TBC1D22A: variants seen among roughly 807,000 people sequenced by gnomAD.
TBC1D22A encodes TBC1 domain family member 22A.
Under a neutral mutation model 60.2 loss-of-function variants are expected in TBC1D22A, and 38 were observed. The ratio of observed to expected loss-of-function variants is 0.63; its 90% CI spans 0.49 to 0.83. The LOEUF is 0.83. TBC1D22A is among the 40% of genes least tolerant of loss of function. TBC1D22A has a pLI of 0.00. For missense variants in TBC1D22A, 628 were observed against 701.0 expected (o/e 0.90, Z 1.18); for synonymous variants, 302 against 281.7 (o/e 1.07, Z -0.72).
At chr22:46,823,755 T>G (rs1255749612) in intron 4 of TBC1D22A, among the ~76,000 whole-genome samples, 1 of 152,236 alleles carries the variant, frequency 6.6e-6, no homozygotes, top group Non-Finnish European at 1.5e-5. Flanking sequence ...GAACTCTTGA[T>G]GTAATTTAAT....
At chr22:46,966,167 C>T (rs576264483) in intron 8 of TBC1D22A, among the ~76,000 whole-genome samples, 3 of 152,330 alleles carry the variant, frequency 2.0e-5, no homozygotes, top group South Asian at 2.1e-4. Flanking sequence ...CCATCACCTG[C>T]GCTCTATCCG....
At position 47,037,067 on chromosome 22, in the gene TBC1D22A, G is replaced by A; in HGVS notation, c.1202-4G>A. 6.2e-7 allele frequency: 1 copy of A among 1,613,398 alleles called. No individual in the cohort carries two copies. The highest frequency in any genetic ancestry group is 8.5e-7 in the Non-Finnish European group (1 of 1,179,568). Reference sequence around the variant, plus strand: ...GCCTTGGGGCCTGTGTTTGTTTTGTGCAGAGCAAGTGCACCGGCACCTGGA... The same window carrying A: ...GCCTTGGGGCCTGTGTTTGTTTTGTACAGAGCAAGTGCACCGGCACCTGGA... On this transcript the variant is annotated splice_region_variant and splice_polypyrimidine_tract_variant and intron_variant, in intron 10 of 12. Transcript: ENST00000337137.
chr22:46,776,413 T>C (rs1350105538), intron 1 of TBC1D22A, among the ~76,000 whole-genome samples: 2 of 151,534 alleles, frequency 1.3e-5, no homozygotes, highest in African/African-American at 4.9e-5. Context: ...TGGGGTGGTA[T>C]GGATGGAAGG....
chr22:46,946,137 C>T (rs2072522481), intron 8 of TBC1D22A, among the ~76,000 whole-genome samples: 1 of 152,202 alleles, frequency 6.6e-6, no homozygotes, highest in Non-Finnish European at 1.5e-5. Context: ...CTACCAGCTT[C>T]CTCCGTGTAG....
chr22:46,920,813 C>T (rs1370256072), intron 8 of TBC1D22A, among the ~76,000 whole-genome samples: 1 of 150,320 alleles, frequency 6.7e-6, no homozygotes, highest in Non-Finnish European at 1.5e-5. Flanking sequence ...CTCTGTTGCT[C>T]AGGCTGGAGT....
At chr22:47,048,287 C>T (rs554370813) in intron 11 of TBC1D22A, among the ~76,000 whole-genome samples, 5 of 152,288 alleles carry the variant, frequency 3.3e-5, no homozygotes, top group African/African-American at 1.2e-4. Flanking sequence ...CTTACCGGGT[C>T]AGCCCAAGCC....
chr22:46,989,846 G>A (rs987375182), intron 9 of TBC1D22A, among the ~76,000 whole-genome samples: 2 of 151,518 alleles, frequency 1.3e-5, no homozygotes, highest in African/African-American at 4.9e-5. Flanking sequence ...TGTGTTGCCC[G>A]GGCTGGAGTG....
chr22:47,150,676 G>A (rs1458268895), intron 12 of TBC1D22A, among the ~76,000 whole-genome samples: 2 of 152,200 alleles, frequency 1.3e-5, no homozygotes, highest in Non-Finnish European at 2.9e-5. Context: ...GCCTGGCATG[G>A]GCTGGTGGGC....
intron 11 of TBC1D22A, among the ~76,000 whole-genome samples, chr22:47,083,213 G>A (rs1372803053): frequency 7.7e-6 from 1 of 129,296 alleles, no homozygotes; most frequent in African/African-American, 3.0e-5. Context: ...TATCTTGATA[G>A]GGATGTGGAT....
At chr22:46,884,797 G>A (rs2068029204) in intron 5 of TBC1D22A, among the ~76,000 whole-genome samples, 1 of 152,214 alleles carries the variant, frequency 6.6e-6, no homozygotes, top group Admixed American at 6.5e-5. Flanking sequence ...AGCAGAGGAA[G>A]AGTAAGTTCA....
rs185630372 is a variant in TBC1D22A at position 46,944,459 on chromosome 22, C to T, written c.1016-29831C>T. ...CGTCTCCCAGGCTGGAGTGCAGTGG[C>T]GCAATCTTGGCTCACTGCAATCTCC... On this transcript the variant is annotated intron_variant, in intron 8 of 12. Coordinates refer to ENST00000337137, the MANE Select transcript of TBC1D22A (RefSeq NM_014346.5). 4.7e-3 allele frequency among the ~76,000 whole-genome samples: 718 copies of T among 152,234 alleles called. 4 individuals are homozygous for T. Among genetic ancestry groups the T allele is most frequent in the Non-Finnish European group, 8.2e-3 (560 of 68,012 alleles).
At chr22:46,868,990 C>G (rs1013933377) in intron 4 of TBC1D22A, among the ~76,000 whole-genome samples, 1 of 152,190 alleles carries the variant, frequency 6.6e-6, no homozygotes, top group African/African-American at 2.4e-5. Flanking sequence ...TCTGGGGGTT[C>G]TTTGCCCTCA....
chr22:46,886,191 G>A (rs534086812), intron 5 of TBC1D22A, among the ~76,000 whole-genome samples: 1 of 152,288 alleles, frequency 6.6e-6, no homozygotes, highest in Non-Finnish European at 1.5e-5. Context: ...GAGCCGCCGC[G>A]CCCGGCCAGT....
intron 10 of TBC1D22A, among the ~76,000 whole-genome samples, chr22:47,032,919 G>C (rs558664929): frequency 1.3e-5 from 2 of 152,336 alleles, no homozygotes; most frequent in Admixed American, 1.3e-4. Context: ...GCCGTCCCAG[G>C]CTGCCCTGTG....
At chr22:47,027,037 A>C (rs934435978) in intron 10 of TBC1D22A, among the ~76,000 whole-genome samples, 1 of 152,224 alleles carries the variant, frequency 6.6e-6, no homozygotes, top group African/African-American at 2.4e-5. Context: ...AGTAATCAAG[A>C]CAGCATGTTG....
At chr22:46,773,692 G>A (rs1280139111) in intron 1 of TBC1D22A, among the ~76,000 whole-genome samples, 3 of 152,032 alleles carry the variant, frequency 2.0e-5, no homozygotes, top group Non-Finnish European at 4.4e-5. Context: ...GGCTGGTCCC[G>A]AACTCCTGAC....
intron 4 of TBC1D22A, among the ~76,000 whole-genome samples, chr22:46,830,283 A>G (rs1417284040): frequency 6.6e-6 from 1 of 152,176 alleles, no homozygotes; most frequent in Non-Finnish European, 1.5e-5. Context: ...TGCTCATCGT[A>G]TGTGACTTCT....
intron 4 of TBC1D22A, among the ~76,000 whole-genome samples, chr22:46,846,275 G>A (rs927625024): frequency 3.3e-5 from 5 of 152,230 alleles, no homozygotes; most frequent in Non-Finnish European, 7.3e-5. Context: ...GAATGGTTTA[G>A]TGAGTTGGAT....
chr22:47,102,916 A>G (rs929260960), intron 11 of TBC1D22A, among the ~76,000 whole-genome samples: 3 of 152,164 alleles, frequency 2.0e-5, no homozygotes, highest in Non-Finnish European at 4.4e-5. Context: ...CAGTATTTGC[A>G]ATGCTAATTA....
Sources: allele counts gnomAD v4.1 joint callset (sites outside exome capture counted in the v4.1 genomes callset), GRCh38; gene constraint gnomAD v4.1.1; transcripts MANE v1.5; gene names NCBI Gene and HGNC (gene_info 2026-07-23, HGNC 2026-07-21).